Variants in ELAPOR2 observed in about 807,000 individuals in gnomAD.
ELAPOR2 encodes the protein endosome/lysosome-associated apoptosis and autophagy regulator family member 2.
Under a neutral mutation model 120.7 loss-of-function variants are expected in ELAPOR2, and 89 were observed. That is an observed-to-expected ratio of 0.74 (90% CI 0.62 to 0.88). The LOEUF is 0.88. Among genes scored for constraint, ELAPOR2 ranks in the 40% least tolerant of loss-of-function variants. ELAPOR2 has a pLI of 0.00. For synonymous variants in ELAPOR2, 444 were observed against 444.9 expected, an observed-to-expected ratio of 1.00 and a Z score of 0.03; for missense variants, 1,134 against 1,251.6, an observed-to-expected ratio of 0.91 and a Z score of 1.42.
Position 86,942,068 on chromosome 7 carries a change from T to G in ELAPOR2, c.691A>C (p.Thr231Pro). The G allele has an allele frequency of 6.5e-7, 1 of 1,549,462 alleles. No homozygotes were observed. Among genetic ancestry groups the G allele is most frequent in the Non-Finnish European group, 8.7e-7 (1 of 1,145,184 alleles). ...TCTGTAAGTTTTACCCACTTGTCAGTGGTGGTGTCCATCTCCTGGCACTGA... is the reference window on the plus strand; with the variant it reads ...TCTGTAAGTTTTACCCACTTGTCAGGGGTGGTGTCCATCTCCTGGCACTGA... The part of the protein sequence containing the change: ...NDQCQEMDTT[T>P]DKWVKLTDNG... The change falls in exon 5 of 22, where the codon ACT (threonine) becomes CCT (proline). Residue 231 changes from threonine (T) to proline (P), a missense_variant. Physicochemically the swap from Thr to Pro is conservative, Grantham distance 38. Coordinates refer to ENST00000450689, the MANE Select transcript of ELAPOR2 (RefSeq NM_001142749.3).
At chr7:87,018,069 C>T (rs911854030) in intron 1 of ELAPOR2, among the ~76,000 whole-genome samples, 2 of 151,926 alleles carry the variant, frequency 1.3e-5, no homozygotes, top group African/African-American at 2.4e-5. Context: ...CTTGCTCTGT[C>T]GCCCAGGTTG....
chr7:87,036,461 G>C (rs1794591520), intron 1 of ELAPOR2, among the ~76,000 whole-genome samples: 1 of 152,150 alleles, frequency 6.6e-6, no homozygotes, highest in African/African-American at 2.4e-5. Flanking sequence ...TCCAGCCTGA[G>C]TGACAAGGAG....
intron 2 of ELAPOR2, among the ~76,000 whole-genome samples, chr7:86,957,950 C>T (rs922012092): frequency 2.0e-5 from 3 of 152,156 alleles, no homozygotes; most frequent in Non-Finnish European, 2.9e-5. Context: ...AAATGACCCA[C>T]AAAACAACAT....
intron 16 of ELAPOR2, among the ~76,000 whole-genome samples, chr7:86,909,555 A>G (rs1007000617): frequency 1.3e-5 from 2 of 152,112 alleles, no homozygotes; most frequent in African/African-American, 2.4e-5. Flanking sequence ...AAAGTTCTAG[A>G]AAGTCTGATG....
chr7:87,019,698 A>G (rs1793979738), intron 1 of ELAPOR2, among the ~76,000 whole-genome samples: 1 of 152,236 alleles, frequency 6.6e-6, no homozygotes, highest in South Asian at 2.1e-4. Context: ...GGTAGTATGT[A>G]AATCAGTATA....
At chr7:86,891,964 T>TATATTACCACCTAA in intron 20 of ELAPOR2, 75 bp from the exon 21 acceptor site, 1 of 957,178 alleles carries the variant, frequency 1.0e-6, no homozygotes, top group Non-Finnish European at 1.5e-6. Context: ...TTTTAGGTGG[T>TATATTACCACCTAA]AATATACCAG....
chr7:86,910,156 T>C (rs962879172), intron 15 of ELAPOR2, among the ~76,000 whole-genome samples, 155 bp from the exon 16 acceptor site: 3 of 152,090 alleles, frequency 2.0e-5, no homozygotes, highest in Non-Finnish European at 2.9e-5. Flanking sequence ...CACCCATCAG[T>C]ACTTTTTAAA....
chr7:86,947,601 C>G, intron 3 of ELAPOR2, 126 bp downstream of exon 3: 1 of 825,138 alleles, frequency 1.2e-6, no homozygotes, highest in Non-Finnish European at 1.8e-6. Flanking sequence ...AAACATGATT[C>G]TTTGCAATTA....
chr7:86,998,088 A>C (rs916523860), intron 1 of ELAPOR2, among the ~76,000 whole-genome samples: 1 of 152,116 alleles, frequency 6.6e-6, no homozygotes, highest in Non-Finnish European at 1.5e-5. Flanking sequence ...ATCAAAAAAA[A>C]GTACTGTTTC....
chr7:86,950,776 C>T (rs1379120746), intron 2 of ELAPOR2, among the ~76,000 whole-genome samples: 2 of 152,192 alleles, frequency 1.3e-5, no homozygotes, highest in African/African-American at 4.8e-5. Context: ...GCAGAACAAG[C>T]CTGGTGGGCC....
chr7:86,922,859 A>G (rs1477765960), intron 10 of ELAPOR2, among the ~76,000 whole-genome samples: 1 of 151,960 alleles, frequency 6.6e-6, no homozygotes, highest in African/African-American at 2.4e-5. Flanking sequence ...AGAGTTATTG[A>G]GTCAAATGAA....
chr7:87,031,965 T>A (rs187351822), intron 1 of ELAPOR2, among the ~76,000 whole-genome samples: 114 of 152,130 alleles, frequency 7.5e-4, no homozygotes, highest in Admixed American at 2.2e-3. Context: ...ATTCCACTTA[T>A]CTAAAATTCT....
rs1432972616 is a variant in ELAPOR2, at chr7:86,878,587, G to A, written c.*1884C>T. ...GAAGATGAGGAGAAAGGTGACAGGTGGCTGTGGAAGTTTTCTCACTCTGTC... is the reference window on the plus strand; with the variant it reads ...GAAGATGAGGAGAAAGGTGACAGGTAGCTGTGGAAGTTTTCTCACTCTGTC... On this transcript the variant is annotated 3_prime_UTR_variant, in exon 22 of 22. Transcript: ENST00000450689. 1 of 152,130 alleles carries A rather than the reference G, an allele frequency of 6.6e-6. No individual in the cohort carries two copies. The highest frequency in any genetic ancestry group is 1.5e-5 in the Non-Finnish European group (1 of 68,024). The allele number at this position is 152,130 out of a possible 1,614,324, so 9.4% of individuals were successfully genotyped here. A position where few individuals can be genotyped will look rare whatever the true frequency, so the allele number is the denominator to read the frequency against.
At chr7:87,012,239 G>A (rs1193192290) in intron 1 of ELAPOR2, among the ~76,000 whole-genome samples, 2 of 152,084 alleles carry the variant, frequency 1.3e-5, no homozygotes, top group South Asian at 2.1e-4. Context: ...GTGAAACCCT[G>A]TCTCTACTAA....
chr7:86,912,325 G>A, intron 14 of ELAPOR2, 80 bp from the exon 15 acceptor site: 2 of 903,476 alleles, frequency 2.2e-6, no homozygotes, highest in South Asian at 2.0e-5. Context: ...AAAAGTTCTA[G>A]GTATAAAAAC....
At chr7:86,998,837 A>G (rs956542989) in intron 1 of ELAPOR2, among the ~76,000 whole-genome samples, 3 of 144,170 alleles carry the variant, frequency 2.1e-5, no homozygotes, top group African/African-American at 5.4e-5. Context: ...TTAGAATTCC[A>G]TAAATAGTTC....
At chr7:86,931,126 T>C (rs530625669) in intron 8 of ELAPOR2, among the ~76,000 whole-genome samples, 2 of 152,102 alleles carry the variant, frequency 1.3e-5, no homozygotes, top group African/African-American at 2.4e-5. Context: ...GGGAAGTTAC[T>C]TAACCTCATT....
At position 86,912,957 on chromosome 7, in the gene ELAPOR2, C is replaced by T; in HGVS notation, c.1979G>A (p.Gly660Glu). The change falls in exon 14 of 22, where the codon GGG (glycine) becomes GAG (glutamate). Residue 660 changes from glycine to glutamate, a missense_variant. Around this residue, in one of 3 missense-constraint regions of ELAPOR2, gnomAD observed 831 missense variants for 867.6 expected, o/e 0.96. Transcript: ENST00000450689. ...GKEACIPCGP[G>E]SKNNQDHSVC... ...CCCACTTACCTGATTGTTTTTACTC[C>T]CAGGCCCGCATGGAATACAAGCCTC... 11 of 1,613,904 alleles carry T rather than the reference C, an allele frequency of 6.8e-6. No individual in the cohort carries two copies. The South Asian group carries it at 9.9e-5, about 14-fold the overall frequency.
intron 3 of ELAPOR2, 90 bp from the exon 4 acceptor site, chr7:86,945,136 T>G: frequency 1.6e-6 from 2 of 1,225,120 alleles, no homozygotes; most frequent in East Asian, 5.4e-5. Context: ...CACGAGTAGT[T>G]CCATCAGCAA....
Sources: gnomAD v4.1 joint callset for allele counts (sites outside exome capture counted in the v4.1 genomes callset) on GRCh38, gnomAD v4.1.1 for gene constraint, gnomAD v4.1.1 regional missense constraint, MANE v1.5 for transcripts, NCBI Gene and HGNC (gene_info 2026-07-23, HGNC 2026-07-21) for gene names.